TMEM132B: variants seen among roughly 807,000 people sequenced by gnomAD.
TMEM132B encodes the protein transmembrane protein 132B.
In TMEM132B, 18 loss-of-function variants were observed where a neutral mutation model predicts 90.8. That is an observed-to-expected ratio of 0.20 (90% confidence interval 0.14 to 0.29). TMEM132B has a LOEUF of 0.29. Among genes scored for constraint, TMEM132B ranks in the 10% least tolerant of loss-of-function variants. TMEM132B has a pLI of 1.00. For missense variants in TMEM132B, 1,096 were observed against 1,326.8 expected, an observed-to-expected ratio of 0.83 and a Z score of 2.70; for synonymous variants, 504 against 523.3, an observed-to-expected ratio of 0.96 and a Z score of 0.50.
At chr12:125,529,499 C>T (rs1265338978) in intron 4 of TMEM132B, among the ~76,000 whole-genome samples, 1 of 152,214 alleles carries the variant, frequency 6.6e-6, no homozygotes, top group East Asian at 1.9e-4. Context: ...AGCTCTCCTT[C>T]CTGTCAAGAG....
At chr12:125,575,675 A>C (rs774923343) in intron 4 of TMEM132B, among the ~76,000 whole-genome samples, 4 of 151,962 alleles carry the variant, frequency 2.6e-5, no homozygotes, top group African/African-American at 9.7e-5. Context: ...GTTTTCTTTA[A>C]AGAGTTTAAT....
Position 125,650,876 on chromosome 12 carries a change from G to T in TMEM132B, c.1837G>T (p.Val613Leu), listed in dbSNP as rs1326867100. Residue 613 changes from valine (V) to leucine (L), a missense_variant, in exon 7 of 9, where the codon GTG becomes TTG. By Grantham distance (32) the Val-to-Leu change is conservative. Transcript: ENST00000682704. ...ITDLVTEFMK[V>L]EEPKIAQLQD... ...TGACCTTGTGACCGAGTTCATGAAG[G>T]TGGAGGAGCCGAAAATCGCTCAGTT... 1 of 1,614,036 alleles carries T rather than the reference G, an allele frequency of 6.2e-7. No homozygotes were observed.
chr12:125,457,003 C>A (rs1233916324), intron 3 of TMEM132B, among the ~76,000 whole-genome samples: 1 of 152,200 alleles, frequency 6.6e-6, no homozygotes, highest in African/African-American at 2.4e-5. Context: ...TCCCGAGGTC[C>A]TCCCCTCCCT....
chr12:125,627,529 A>T (rs1886261546), intron 5 of TMEM132B, among the ~76,000 whole-genome samples: 1 of 151,670 alleles, frequency 6.6e-6, no homozygotes, highest in Admixed American at 6.6e-5. Flanking sequence ...GTTTTTTAAC[A>T]TTTTTTTAAT....
At position 125,415,508 on chromosome 12, in the gene TMEM132B, A is replaced by T; in HGVS notation, c.960-23A>T. 1 of 1,613,638 alleles carries T rather than the reference A, an allele frequency of 6.2e-7. No individual in the cohort carries two copies. Among genetic ancestry groups the T allele is most frequent in the East Asian group, 2.2e-5 (1 of 44,860 alleles). On this transcript the variant is annotated intron_variant, in intron 2 of 8. Transcript: ENST00000682704. This position sits in a 1 kb window ranked among gnomAD's most constrained non-coding sequence, Gnocchi z 5.3. ...CTAAAATGGTTTTATTATATATAAT[A>T]TCATTGTTTTCCCACCCCACAGAAT... is the stretch of plus-strand genomic sequence containing the variant.
intron 1 of TMEM132B, among the ~76,000 whole-genome samples, chr12:125,273,847 A>G (rs2136122420): frequency 6.6e-6 from 1 of 152,260 alleles, no homozygotes; most frequent in East Asian, 1.9e-4. Flanking sequence ...GTATTTTTGT[A>G]GAGATGGGGT....
chr12:125,635,530 C>A (rs988037098), intron 5 of TMEM132B, among the ~76,000 whole-genome samples: 1 of 152,174 alleles, frequency 6.6e-6, no homozygotes, highest in Non-Finnish European at 1.5e-5. Context: ...TTTTCTTTAT[C>A]CAGTCTATCA....
intron 3 of TMEM132B, among the ~76,000 whole-genome samples, chr12:125,456,482 C>A (rs775985340): frequency 4.6e-5 from 7 of 152,238 alleles, no homozygotes; most frequent in Non-Finnish European, 1.0e-4. Flanking sequence ...TGTCGGGGCC[C>A]TGCTTCTGGG....
intron 3 of TMEM132B, among the ~76,000 whole-genome samples, chr12:125,504,175 C>T (rs1882770489): frequency 6.6e-6 from 1 of 152,302 alleles, no homozygotes; most frequent in Middle Eastern, 3.4e-3. Flanking sequence ...TTCTGCTTAG[C>T]TGACATTTAT....
chr12:125,467,812 A>G (rs752577438), intron 3 of TMEM132B, among the ~76,000 whole-genome samples: 2 of 152,202 alleles, frequency 1.3e-5, no homozygotes, highest in African/African-American at 2.4e-5. Context: ...CTGTCTCTAC[A>G]TATTTGCCTA....
chr12:125,248,397 C>T (rs1054262078), intron 1 of TMEM132B, among the ~76,000 whole-genome samples: 1 of 152,176 alleles, frequency 6.6e-6, no homozygotes, highest in Non-Finnish European at 1.5e-5. Context: ...AATGAAATCT[C>T]CATATGGAGA....
intron 1 of TMEM132B, among the ~76,000 whole-genome samples, chr12:125,333,120 T>C (rs917719680): frequency 1.6e-4 from 25 of 152,176 alleles, no homozygotes; most frequent in African/African-American, 4.8e-5. Flanking sequence ...TTCCAGCTTT[T>C]GGTGTTGCCA....
chr12:125,387,030 G>A (rs1878855114), intron 2 of TMEM132B, among the ~76,000 whole-genome samples: 1 of 152,096 alleles, frequency 6.6e-6, no homozygotes. Flanking sequence ...AGGTACAGGG[G>A]AGATGTTGTC....
chr12:125,554,490 T>G (rs2136771350), intron 4 of TMEM132B, among the ~76,000 whole-genome samples: 1 of 151,396 alleles, frequency 6.6e-6, no homozygotes. Flanking sequence ...GCTTGAGTTC[T>G]TCTAATTGTG....
At chr12:125,646,568 A>G (rs1370628558) in intron 6 of TMEM132B, among the ~76,000 whole-genome samples, 1 of 152,190 alleles carries the variant, frequency 6.6e-6, no homozygotes, top group East Asian at 1.9e-4. Flanking sequence ...GGGCAAACCC[A>G]GAGGGATTCA....
intron 1 of TMEM132B, among the ~76,000 whole-genome samples, chr12:125,272,459 A>C (rs1288248830): frequency 1.3e-5 from 2 of 152,180 alleles, no homozygotes; most frequent in Non-Finnish European, 2.9e-5. Context: ...GGCAAGAGGC[A>C]GGCATAAGCC....
intron 1 of TMEM132B, among the ~76,000 whole-genome samples, chr12:125,224,485 T>G (rs1467901523): frequency 6.6e-6 from 1 of 152,238 alleles, no homozygotes; most frequent in Non-Finnish European, 1.5e-5. Flanking sequence ...GAGCTCTCCT[T>G]GACCACTGTG....
chr12:125,286,493 TATA>T (rs1395654177), intron 1 of TMEM132B, among the ~76,000 whole-genome samples: 1 of 152,054 alleles, frequency 6.6e-6, no homozygotes, highest in East Asian at 1.9e-4. Context: ...GGTGGGAAAA[TATA>T]ATAAAATAAT....
intron 1 of TMEM132B, among the ~76,000 whole-genome samples, chr12:125,266,290 C>A (rs541161090): frequency 6.6e-6 from 1 of 152,172 alleles, no homozygotes; most frequent in Non-Finnish European, 1.5e-5. Context: ...AAAGACTAAA[C>A]GGCCAGTACA....
Sources: allele counts gnomAD v4.1 joint callset (sites outside exome capture counted in the v4.1 genomes callset), GRCh38; gene constraint gnomAD v4.1.1; non-coding constraint Gnocchi (gnomAD v3.1); transcripts MANE v1.5; gene names NCBI Gene and HGNC (gene_info 2026-07-23, HGNC 2026-07-21).